Variants in SLC35F4 observed in about 807,000 individuals in gnomAD.
SLC35F4 encodes solute carrier family 35 member F4, also known as chromosome 14 open reading frame 36.
Under a neutral mutation model 44.2 loss-of-function variants are expected in SLC35F4, and 24 were observed. The ratio of observed to expected loss-of-function variants is 0.54; its 90% CI spans 0.39 to 0.76. SLC35F4 has a LOEUF of 0.76. Among genes scored for constraint, SLC35F4 ranks in the 30% least tolerant of loss-of-function variants. The pLI, the probability that SLC35F4 is intolerant of heterozygous loss-of-function variation, is 0.00. For missense variants in SLC35F4, 562 were observed against 586.1 expected (o/e 0.96, Z 0.42); for synonymous variants, 238 against 223.6 (o/e 1.06, Z -0.57).
intron 1 of SLC35F4, among the ~76,000 whole-genome samples, chr14:57,836,970 G>T (rs968797639): frequency 6.6e-6 from 1 of 152,026 alleles, no homozygotes; most frequent in Admixed American, 6.6e-5. Flanking sequence ...GAAATAATTT[G>T]CCACAAATTT....
intron 1 of SLC35F4, among the ~76,000 whole-genome samples, chr14:57,895,536 T>C (rs1304776652): frequency 1.3e-5 from 2 of 152,014 alleles, no homozygotes; most frequent in East Asian, 3.9e-4. Flanking sequence ...TGAGATCTGA[T>C]GGTTTAAAAG....
At chr14:57,730,527 T>C (rs1387843389) in intron 1 of SLC35F4, among the ~76,000 whole-genome samples, 1 of 152,196 alleles carries the variant, frequency 6.6e-6, no homozygotes. Context: ...AATCCTAGTC[T>C]AAATATCAAA....
chr14:57,940,247 T>C (rs749331581), intron 1 of SLC35F4, among the ~76,000 whole-genome samples: 12 of 152,322 alleles, frequency 7.9e-5, no homozygotes, highest in Non-Finnish European at 1.3e-4. Context: ...TTTTTGGAAA[T>C]TGACTCCAAA....
chr14:57,850,693 C>G (rs536610308), intron 1 of SLC35F4, among the ~76,000 whole-genome samples: 2 of 152,284 alleles, frequency 1.3e-5, no homozygotes, highest in South Asian at 4.1e-4. Flanking sequence ...AACACTGTTT[C>G]TCAGAAAACT....
intron 1 of SLC35F4, among the ~76,000 whole-genome samples, chr14:57,823,276 C>G (rs912832106): frequency 6.6e-6 from 1 of 152,116 alleles, no homozygotes; most frequent in Non-Finnish European, 1.5e-5. Context: ...TCTTGCTCAG[C>G]TACCTCAGCC....
chr14:57,881,780 T>C (rs1888539227), intron 1 of SLC35F4, among the ~76,000 whole-genome samples: 1 of 150,152 alleles, frequency 6.7e-6, no homozygotes, highest in Non-Finnish European at 1.5e-5. Flanking sequence ...CTATGTAGAT[T>C]TGGGGTTTTT....
chr14:57,770,392 G>C (rs1365894791), intron 1 of SLC35F4, among the ~76,000 whole-genome samples: 1 of 152,234 alleles, frequency 6.6e-6, no homozygotes, highest in Non-Finnish European at 1.5e-5. Context: ...TCGGGGAGTT[G>C]TTGGGCATAG....
chr14:57,670,751 C>A (rs1185064589), intron 1 of SLC35F4, among the ~76,000 whole-genome samples: 3 of 151,668 alleles, frequency 2.0e-5, no homozygotes, highest in African/African-American at 7.3e-5. Flanking sequence ...GTGAAGGAAA[C>A]AGGCCTAGTT....
intron 1 of SLC35F4, among the ~76,000 whole-genome samples, chr14:57,641,722 T>G (rs1468750467): frequency 6.6e-6 from 1 of 152,034 alleles, no homozygotes; most frequent in African/African-American, 2.4e-5. Flanking sequence ...ACACTATAGC[T>G]ATTACATAGA....
intron 1 of SLC35F4, among the ~76,000 whole-genome samples, chr14:57,614,768 C>T (rs2071711696): frequency 6.6e-6 from 1 of 152,110 alleles, no homozygotes; most frequent in Non-Finnish European, 1.5e-5. Flanking sequence ...TCAAACTAGA[C>T]AGCTCCCCAT....
intron 1 of SLC35F4, among the ~76,000 whole-genome samples, chr14:57,858,711 A>G (rs1887377097): frequency 7.1e-6 from 1 of 141,734 alleles, no homozygotes; most frequent in African/African-American, 3.0e-5. Flanking sequence ...AAGAATTACT[A>G]TAAAAAAAAG....
chr14:57,818,626 A>G (rs138827015), intron 1 of SLC35F4, among the ~76,000 whole-genome samples: 1 of 152,284 alleles, frequency 6.6e-6, no homozygotes, highest in Non-Finnish European at 1.5e-5. Flanking sequence ...CTCAGCAACC[A>G]TGGTCCAACA....
chr14:57,639,026 C>T (rs895613213), intron 1 of SLC35F4, among the ~76,000 whole-genome samples: 1 of 152,064 alleles, frequency 6.6e-6, no homozygotes, highest in Non-Finnish European at 1.5e-5. Context: ...TTGTTTATTT[C>T]TGTGCCCAAT....
At chr14:57,783,524 A>G (rs1324066370) in intron 1 of SLC35F4, among the ~76,000 whole-genome samples, 1 of 152,124 alleles carries the variant, frequency 6.6e-6, no homozygotes, top group Admixed American at 6.6e-5. Flanking sequence ...TCATCAGGAC[A>G]CCCCTTATCA....
intron 1 of SLC35F4, among the ~76,000 whole-genome samples, chr14:57,896,253 TA>T (rs1327459946): frequency 2.6e-5 from 4 of 151,894 alleles, no homozygotes; most frequent in Non-Finnish European, 4.4e-5. Context: ...ATAAATTCCT[TA>T]ATGGAAAACT....
At chr14:57,931,771 G>T (rs1457418346) in intron 1 of SLC35F4, among the ~76,000 whole-genome samples, 3 of 152,140 alleles carry the variant, frequency 2.0e-5, no homozygotes, top group Non-Finnish European at 2.9e-5. Context: ...CCAAAGCCCT[G>T]CTCTGTCCTT....
chr14:57,769,592 C>T (rs2077313010), intron 1 of SLC35F4, among the ~76,000 whole-genome samples: 1 of 152,094 alleles, frequency 6.6e-6, no homozygotes, highest in South Asian at 2.1e-4. Context: ...TTCATAAATT[C>T]TAGTAAAAAT....
intron 1 of SLC35F4, among the ~76,000 whole-genome samples, chr14:57,805,575 C>A (rs1881219587): frequency 6.6e-6 from 1 of 152,066 alleles, no homozygotes; most frequent in Non-Finnish European, 1.5e-5. Context: ...ATGATGAGAA[C>A]ACATGAACAC....
At chr14:57,601,681 A>T (rs2070834544) in intron 1 of SLC35F4, among the ~76,000 whole-genome samples, 2 of 152,204 alleles carry the variant, frequency 1.3e-5, no homozygotes, top group African/African-American at 4.8e-5. Flanking sequence ...AATAGTAGTA[A>T]TCTATCTAGA....
Sources: gnomAD v4.1 joint callset for allele counts (sites outside exome capture counted in the v4.1 genomes callset) on GRCh38, gnomAD v4.1.1 for gene constraint, MANE v1.5 for transcripts, NCBI Gene and HGNC (gene_info 2026-07-23, HGNC 2026-07-21) for gene names.